Variants in NXF1 observed in about 807,000 individuals in gnomAD.
The protein encoded by NXF1 is nuclear RNA export factor 1.
NXF1 carries 43 observed loss-of-function variants against 92.4 expected under a neutral mutation model. The ratio of observed to expected loss-of-function variants is 0.47; its 90% CI spans 0.36 to 0.60. The LOEUF is 0.60. Among genes scored for constraint, NXF1 ranks in the 20% least tolerant of loss-of-function variants. The pLI, the probability that NXF1 is intolerant of heterozygous loss-of-function variation, is 0.00. For synonymous variants in NXF1, 288 were observed against 292.2 expected, an observed-to-expected ratio of 0.99 and a Z score of 0.15; for missense variants, 576 against 793.0, an observed-to-expected ratio of 0.73 and a Z score of 3.29.
At position 62,792,465 on chromosome 11, in the gene NXF1, C is replaced by A. The variant is rs372723035; in HGVS notation, c.*11G>T. On this transcript the variant is annotated 3_prime_UTR_variant, in exon 21 of 21. Coordinates refer to ENST00000294172, the MANE Select transcript of NXF1 (RefSeq NM_006362.5). ...TTTACAGGGGGGACTGCTTCTGAGG[C>A]ATGACTACGATCACTTCATGAATGC... 5.1e-5 allele frequency: 82 copies of A among 1,614,076 alleles called. No homozygotes were observed. Among genetic ancestry groups the A allele is most frequent in the Non-Finnish European group, 6.9e-5 (82 of 1,180,026 alleles).
At position 62,797,316 on chromosome 11, in the gene NXF1, A is replaced by C; in HGVS notation, c.1122+2T>G. 1 of 1,614,110 alleles carries C rather than the reference A, an allele frequency of 6.2e-7. No homozygotes were observed. The highest frequency in any genetic ancestry group is 8.5e-7 in the Non-Finnish European group (1 of 1,180,020). On this transcript the variant is annotated splice_donor_variant, in intron 12 of 20. Transcript: ENST00000294172. LOFTEE classifies it high-confidence loss of function. ...AGTTCTTACTCTGTCCATGCTTCCT[A>C]CCTTGCAGGGCGGTAACGTCGTGGG...
At position 62,804,058 on chromosome 11, in the gene NXF1, T is replaced by C. The variant is rs770935982; in HGVS notation, c.29-80A>G. ...GTGGCAATCATAGCTTCTAGTACTCTGAACTATTGGAAGAGATACATACTA... is the reference window on the plus strand; with the variant it reads ...GTGGCAATCATAGCTTCTAGTACTCCGAACTATTGGAAGAGATACATACTA... On this transcript the variant is annotated intron_variant, in intron 1 of 20. Coordinates refer to ENST00000294172, the MANE Select transcript of NXF1 (RefSeq NM_006362.5). The C allele has an allele frequency of 4.4e-6, 7 of 1,599,072 alleles. No individual in the cohort carries two copies. In the African/African-American group the frequency reaches 8.0e-5, roughly 18 times the overall value.
At chr11:62,793,634 A>G (rs2084389537) in intron 19 of NXF1, among the ~76,000 whole-genome samples, 1 of 151,776 alleles carries the variant, frequency 6.6e-6, no homozygotes, top group Non-Finnish European at 1.5e-5. Flanking sequence ...CTGTGATCAC[A>G]CCACTGTACT....
At chr11:62,798,072 G>A (rs915736513) in intron 11 of NXF1, among the ~76,000 whole-genome samples, 6 of 149,700 alleles carry the variant, frequency 4.0e-5, no homozygotes, top group Non-Finnish European at 7.4e-5. Context: ...GGCAAACGGT[G>A]CAGTGAGTCA....
Position 62,796,460 on chromosome 11 carries a change from C to A in NXF1, c.1286G>T (p.Arg429Leu). 6.2e-7 allele frequency: 1 copy of A among 1,613,958 alleles called. No individual in the cohort carries two copies. Among genetic ancestry groups the A allele is most frequent in the Non-Finnish European group, 8.5e-7 (1 of 1,179,908 alleles). The change falls in exon 14 of 21, where the codon CGA (arginine) becomes CTA (leucine). Residue 429 changes from arginine to leucine, a missense_variant and splice_region_variant. Physicochemically the swap from Arg to Leu is moderately radical, Grantham distance 102. Coordinates refer to ENST00000294172, the MANE Select transcript of NXF1 (RefSeq NM_006362.5). Reference sequence around the variant, plus strand: ...GCAGATTCTGGGATGTGATACTAACCGGGCAGGGTTCTGAGGAATGAAAGG... The same window carrying A: ...GCAGATTCTGGGATGTGATACTAACAGGGCAGGGTTCTGAGGAATGAAAGG... The part of the protein sequence containing the change: ...SIPFIPQNPA[R>L]SSLAEYFKDS...
chr11:62,799,372 T>A, intron 10 of NXF1: 7 of 985,820 alleles, frequency 7.1e-6, no homozygotes, highest in Non-Finnish European at 8.4e-6. Context: ...TGGGTCCCGA[T>A]CTGAACTGGG....
chr11:62,796,038 C>A, intron 16 of NXF1, 28 bp downstream of exon 16: 1 of 1,496,890 alleles, frequency 6.7e-7, no homozygotes, highest in Non-Finnish European at 9.1e-7. Flanking sequence ...CAATTCTAGG[C>A]TTCTGTCAGG....
Position 62,796,115 on chromosome 11 carries a change from T to C in NXF1, c.1412A>G (p.Lys471Arg), listed in dbSNP as rs149273641. Residue 471 changes from lysine (K) to arginine (R), a missense_variant, in exon 16 of 21, where the codon AAA (lysine) becomes AGA (arginine). By Grantham distance (26) the Lys-to-Arg change is conservative (BLOSUM62 2). Transcript: ENST00000294172. ...NVVAFLNELP[K>R]TQHDVNSFVV... is the part of the protein sequence containing the mutation. ...GAAGGAATTGACGTCGTGCTGGGTTTTGGGCAACTCATTGAGGAAGGCAAC... is the reference window on the plus strand; with the variant it reads ...GAAGGAATTGACGTCGTGCTGGGTTCTGGGCAACTCATTGAGGAAGGCAAC... 4.0e-4 allele frequency: 640 copies of C among 1,613,840 alleles called. No homozygotes were observed. The highest frequency in any genetic ancestry group is 5.0e-4 in the Non-Finnish European group (592 of 1,180,018).
intron 10 of NXF1, chr11:62,799,591 G>C: frequency 2.0e-6 from 2 of 985,756 alleles, no homozygotes. Flanking sequence ...GCCATCCACC[G>C]GGGCCAAACA....
chr11:62,805,422 A>G lies in NXF1; in HGVS notation c.-66T>C, dbSNP rs1019976194. On this transcript the variant is annotated 5_prime_UTR_variant, in exon 1 of 21. Transcript: ENST00000294172. The stretch of plus-strand genomic sequence containing the variant: ...TACGCCGGCAAACAACCTAACTCCC[A>G]AGCGCTCAGGACCGAAGTGTCCCTA... 19 of 1,603,952 alleles carry G rather than the reference A, an allele frequency of 1.2e-5. No homozygotes were observed. The highest frequency in any genetic ancestry group is 3.3e-4 in the Middle Eastern group (2 of 6,038).
At chr11:62,798,958 T>C in intron 10 of NXF1, 1 of 1,046,630 alleles carries the variant, frequency 9.6e-7, no homozygotes. Context: ...CAGGTATCCA[T>C]CAGTTCTGCC....
Position 62,792,309 on chromosome 11 carries a change from G to A in NXF1, c.*167C>T. On this transcript the variant is annotated 3_prime_UTR_variant, in exon 21 of 21. Transcript: ENST00000294172. Reference sequence around the variant, plus strand: ...TGGCACCAGTGAGGCTCAATCTTCTGAAGTCTTCCAGAAGGCAGGCGAGGA... The same window carrying A: ...TGGCACCAGTGAGGCTCAATCTTCTAAAGTCTTCCAGAAGGCAGGCGAGGA... 1 of 850,536 alleles carries A rather than the reference G, an allele frequency of 1.2e-6. No homozygotes were observed. The highest frequency in any genetic ancestry group is 1.9e-6 in the Non-Finnish European group (1 of 516,826). The allele number at this position is 850,536 out of a possible 1,614,324, so 52.7% of individuals were successfully genotyped here.
chr11:62,803,343 G>C (rs1479085945), intron 3 of NXF1, 76 bp downstream of exon 3: 8 of 1,213,516 alleles, frequency 6.6e-6, no homozygotes, highest in Non-Finnish European at 9.3e-6. Context: ...AATTTTTGTG[G>C]AATAAAATTA....
At chr11:62,793,677 AAAAC>A (rs561449943) in intron 19 of NXF1, among the ~76,000 whole-genome samples, 58 of 148,588 alleles carry the variant, frequency 3.9e-4, no homozygotes, top group Non-Finnish European at 7.5e-4. Context: ...ACCCTGTCTC[AAAAC>A]AAACAAGCAA....
chr11:62,798,609 C>G, intron 10 of NXF1, 34 bp from the exon 11 acceptor site: 1 of 1,613,284 alleles, frequency 6.2e-7, no homozygotes, highest in Admixed American at 1.7e-5. Context: ...AGTGATGCTT[C>G]AGAGCCACCG....
At position 62,801,512 on chromosome 11, in the gene NXF1, A is replaced by G. The variant is rs375649985; in HGVS notation, c.709+50T>C. ...CATCCTCAAACTTTCCCTCCCTGAC[A>G]GATCCCACCTTATCACCACCTATCT... On this transcript the variant is annotated intron_variant, in intron 7 of 20. Coordinates refer to ENST00000294172, the MANE Select transcript of NXF1 (RefSeq NM_006362.5). 16 of 1,609,314 alleles carry G rather than the reference A, an allele frequency of 9.9e-6. No homozygotes were observed. The African/African-American group carries it at 2.0e-4, about 20-fold the overall frequency.
chr11:62,798,441 A>T, intron 11 of NXF1, 98 bp downstream of exon 11: 7 of 1,530,538 alleles, frequency 4.6e-6, no homozygotes, highest in African/African-American at 1.4e-5. Context: ...TCAAATAAAA[A>T]AAAAAAAAAG....
In NXF1 at chr11:62,792,352, T is replaced by C; in HGVS notation, c.*124A>G. Reference sequence around the variant, plus strand: ...GGCGAGGAGAGGGATCAGGCAGCCCTCCCTCCCTCGGTCACAGTCACGGGG... The same window carrying C: ...GGCGAGGAGAGGGATCAGGCAGCCCCCCCTCCCTCGGTCACAGTCACGGGG... On this transcript the variant is annotated 3_prime_UTR_variant, in exon 21 of 21. Coordinates refer to ENST00000294172, the MANE Select transcript of NXF1 (RefSeq NM_006362.5). The C allele has an allele frequency of 8.5e-7, 1 of 1,180,130 alleles. No homozygotes were observed. Among genetic ancestry groups the C allele is most frequent in the Non-Finnish European group, 1.3e-6 (1 of 791,722 alleles). 73.1% of individuals were successfully genotyped at this position (1,180,130 alleles called of 1,614,324 possible). A position where few individuals can be genotyped will look rare whatever the true frequency, so the allele number is the denominator to read the frequency against.
chr11:62,802,965 T>C (rs554062771), intron 3 of NXF1, among the ~76,000 whole-genome samples: 65 of 152,212 alleles, frequency 4.3e-4, no homozygotes, highest in Non-Finnish European at 5.7e-4. Flanking sequence ...TCTAAGGTGT[T>C]GGAAGATACT....
Sources: gnomAD v4.1 joint callset for allele counts (sites outside exome capture counted in the v4.1 genomes callset) on GRCh38, gnomAD v4.1.1 for gene constraint, MANE v1.5 for transcripts, NCBI Gene and HGNC (gene_info 2026-07-23, HGNC 2026-07-21) for gene names.